FHIT: variants seen among roughly 807,000 people sequenced by gnomAD.
FHIT encodes fragile histidine triad diadenosine triphosphatase.
FHIT carries 19 observed loss-of-function variants against 17.9 expected under a neutral mutation model. The ratio of observed to expected loss-of-function variants is 1.06; its 90% CI spans 0.74 to 1.56. The LOEUF (loss-of-function observed/expected upper bound fraction) is 1.56. Among genes scored for constraint, FHIT ranks in the 40% most tolerant of loss-of-function variants. The pLI is 0.00. For missense variants in FHIT, 248 were observed against 189.2 expected, an observed-to-expected ratio of 1.31 and a Z score of -1.82; for synonymous variants, 81 against 69.7, an observed-to-expected ratio of 1.16 and a Z score of -0.81.
At position 60,350,660 on chromosome 3, in the gene FHIT, A is replaced by G. The variant is rs140817028; in HGVS notation, c.103+186200T>C. Among the ~76,000 whole-genome samples, 74 of 152,210 alleles carry G rather than the reference A, an allele frequency of 4.9e-4. 1 individual carries two copies. The highest frequency in any genetic ancestry group is 1.7e-3 in the African/African-American group (70 of 41,546). ...GTATTCCACCAACAGTGCTACTTAA[A>G]GTATGGCTATGGAATATTGCCACTC... On this transcript the variant is annotated intron_variant, in intron 5 of 9. Transcript: ENST00000492590.
At chr3:60,193,932 GA>G (rs1480495192) in intron 5 of FHIT, among the ~76,000 whole-genome samples, 1 of 152,136 alleles carries the variant, frequency 6.6e-6, no homozygotes, top group Non-Finnish European at 1.5e-5. Context: ...TAAAGAACTT[GA>G]AAGTATCATA....
chr3:59,802,149 G>T (rs1292077182), intron 8 of FHIT, among the ~76,000 whole-genome samples: 1 of 149,486 alleles, frequency 6.7e-6, no homozygotes, highest in Non-Finnish European at 1.5e-5. Flanking sequence ...GTGTTTAAAA[G>T]ATTTAAAAAA....
chr3:59,903,124 A>G (rs1437983602), intron 8 of FHIT, among the ~76,000 whole-genome samples: 2 of 152,224 alleles, frequency 1.3e-5, no homozygotes, highest in African/African-American at 4.8e-5. Flanking sequence ...TGAAGTGCGG[A>G]TACATGCCAA....
At chr3:60,634,322 C>A (rs1444011753) in intron 4 of FHIT, among the ~76,000 whole-genome samples, 1 of 152,106 alleles carries the variant, frequency 6.6e-6, no homozygotes, top group African/African-American at 2.4e-5. Context: ...AGCTAACAAA[C>A]TGAACTAGGA....
At chr3:60,473,115 A>G (rs1227519093) in intron 5 of FHIT, among the ~76,000 whole-genome samples, 1 of 152,240 alleles carries the variant, frequency 6.6e-6, no homozygotes, top group African/African-American at 2.4e-5. Flanking sequence ...GAAGTGAGTT[A>G]CAGTAAATGA....
At chr3:59,827,156 C>T (rs1414967447) in intron 8 of FHIT, among the ~76,000 whole-genome samples, 1 of 152,198 alleles carries the variant, frequency 6.6e-6, no homozygotes, top group Non-Finnish European at 1.5e-5. Flanking sequence ...TAAGGCTGTG[C>T]CTGTGTTACC....
chr3:59,955,444 C>T (rs962378356), intron 7 of FHIT, among the ~76,000 whole-genome samples: 1 of 152,190 alleles, frequency 6.6e-6, no homozygotes. Context: ...CCCAGCGACA[C>T]ACTTTTCTCA....
At chr3:60,479,044 A>C (rs1013977715) in intron 5 of FHIT, among the ~76,000 whole-genome samples, 3 of 152,212 alleles carry the variant, frequency 2.0e-5, no homozygotes, top group African/African-American at 7.2e-5. Context: ...ATTCATGATG[A>C]AACTGTCAAA....
intron 2 of FHIT, among the ~76,000 whole-genome samples, chr3:61,153,122 G>T (rs2037441168): frequency 1.4e-5 from 2 of 142,182 alleles, no homozygotes; most frequent in Admixed American, 7.3e-5. Flanking sequence ...CAGCCTGGGT[G>T]CCAGAGCAAG....
At chr3:60,013,569 G>A (rs1700221402) in intron 6 of FHIT, among the ~76,000 whole-genome samples, 1 of 152,160 alleles carries the variant, frequency 6.6e-6, no homozygotes, top group Non-Finnish European at 1.5e-5. Flanking sequence ...ACTAATCTGT[G>A]ATCAATCTCT....
At chr3:61,086,421 A>G (rs2035308780) in intron 2 of FHIT, among the ~76,000 whole-genome samples, 1 of 152,120 alleles carries the variant, frequency 6.6e-6, no homozygotes, top group Non-Finnish European at 1.5e-5. Context: ...GTCATGACAT[A>G]TATTGTTTTT....
At chr3:60,130,629 A>T (rs2064017) in intron 5 of FHIT, among the ~76,000 whole-genome samples, 30,360 of 88,360 alleles carry the variant, frequency 0.34, 3,377 homozygotes, top group Admixed American at 0.48. Flanking sequence ...GAAATCATAT[A>T]CAAAAATAAA....
chr3:60,094,417 C>T (rs1165921118), intron 5 of FHIT, among the ~76,000 whole-genome samples: 1 of 146,662 alleles, frequency 6.8e-6, no homozygotes, highest in African/African-American at 2.6e-5. Flanking sequence ...GCCCAACCGG[C>T]ACCTATTTTT....
rs1700405556 is a variant in FHIT at position 60,373,169 on chromosome 3, C to T, written c.103+163691G>A. Among the ~76,000 whole-genome samples, 3 of 152,076 alleles carry T rather than the reference C, an allele frequency of 2.0e-5. No individual in the cohort carries two copies. In the South Asian group the frequency reaches 6.2e-4, roughly 32 times the overall value. ...TTAGCAGAGAAGGCACACATTAATT[C>T]TGTATTTGTGTGTGCCATGATCTGA... On this transcript the variant is annotated intron_variant, in intron 5 of 9. Coordinates refer to ENST00000492590, the MANE Select transcript of FHIT (RefSeq NM_002012.4).
At chr3:59,937,211 G>A (rs1172979448) in intron 7 of FHIT, among the ~76,000 whole-genome samples, 3 of 152,122 alleles carry the variant, frequency 2.0e-5, no homozygotes, top group Admixed American at 6.6e-5. Flanking sequence ...CTAAAAAGCA[G>A]GTGCTTTTAA....
At chr3:60,280,687 G>A (rs573385360) in intron 5 of FHIT, among the ~76,000 whole-genome samples, 1 of 152,146 alleles carries the variant, frequency 6.6e-6, no homozygotes, top group Admixed American at 6.5e-5. Flanking sequence ...TAGACTTCTG[G>A]CTTTCAGAAC....
intron 3 of FHIT, among the ~76,000 whole-genome samples, chr3:60,985,446 T>C (rs1388378657): frequency 6.6e-6 from 1 of 152,158 alleles, no homozygotes; most frequent in Non-Finnish European, 1.5e-5. Flanking sequence ...ATGGGTTCTG[T>C]GGTCAATCAT....
intron 5 of FHIT, among the ~76,000 whole-genome samples, chr3:60,337,889 G>T (rs972224558): frequency 6.6e-6 from 1 of 152,158 alleles, no homozygotes; most frequent in African/African-American, 2.4e-5. Context: ...ATCAAACTCA[G>T]GAAGTACTTT....
intron 5 of FHIT, among the ~76,000 whole-genome samples, chr3:60,441,162 G>A (rs963940911): frequency 6.6e-6 from 1 of 151,890 alleles, no homozygotes; most frequent in African/African-American, 2.4e-5. Context: ...TTAAAAAAAA[G>A]GCCATTTTAC....
Sources: gnomAD v4.1 joint callset for allele counts (sites outside exome capture counted in the v4.1 genomes callset) on GRCh38, gnomAD v4.1.1 for gene constraint, MANE v1.5 for transcripts, NCBI Gene and HGNC (gene_info 2026-07-23, HGNC 2026-07-21) for gene names.